TACR1: variants seen among roughly 807,000 people sequenced by gnomAD.
TACR1 encodes tachykinin receptor 1.
TACR1 carries 25 observed loss-of-function variants against 35.8 expected under a neutral mutation model. That is an observed-to-expected ratio of 0.70 (90% confidence interval 0.51 to 0.98). The LOEUF (loss-of-function observed/expected upper bound fraction) is 0.98. TACR1 is among the 50% of genes least tolerant of loss of function. TACR1 has a pLI of 0.00. For synonymous variants in TACR1, 195 were observed against 206.7 expected, an observed-to-expected ratio of 0.94 and a Z score of 0.48; for missense variants, 478 against 522.9, an observed-to-expected ratio of 0.91 and a Z score of 0.84.
rs774156041 is a variant in TACR1 at position 75,053,637 on chromosome 2, G to T, written c.703C>A (p.Arg235Ser). The T allele has an allele frequency of 3.1e-6, 5 of 1,590,626 alleles. No individual in the cohort carries two copies. Among genetic ancestry groups the T allele is most frequent in the Non-Finnish European group, 3.4e-6 (4 of 1,168,200 alleles). ...ASEIPGDSSDRYHEQVSAKRK... is the reference protein window; with the variant it reads ...ASEIPGDSSDSYHEQVSAKRK... ...TTGGCAGAGACTTGCTCGTGGTAGCGGTCAGAGGAGTCCCCGGGGATCTCA... is the reference window on the plus strand; with the variant it reads ...TTGGCAGAGACTTGCTCGTGGTAGCTGTCAGAGGAGTCCCCGGGGATCTCA... Residue 235 changes from arginine (R) to serine (S), a missense_variant, in exon 3 of 5, where the codon CGC becomes AGC. Arg to Ser is a moderately radical substitution (Grantham distance 110). Transcript: ENST00000305249.
intron 1 of TACR1, among the ~76,000 whole-genome samples, chr2:75,182,117 C>G (rs904465474): frequency 3.3e-5 from 5 of 152,222 alleles, no homozygotes; most frequent in African/African-American, 1.2e-4. Context: ...ATAGATGAAA[C>G]CTGGTGTTCT....
At chr2:75,178,947 A>T (rs905728005) in intron 1 of TACR1, among the ~76,000 whole-genome samples, 7 of 152,092 alleles carry the variant, frequency 4.6e-5, no homozygotes, top group Non-Finnish European at 1.0e-4. Flanking sequence ...CTCCTGGGTG[A>T]TTGTATACAG....
chr2:75,165,617 A>G (rs1026884542), intron 1 of TACR1, among the ~76,000 whole-genome samples: 2 of 152,090 alleles, frequency 1.3e-5, no homozygotes, highest in Middle Eastern at 3.4e-3. Flanking sequence ...CCCATCTTCC[A>G]TTCTTCAGGT....
intron 2 of TACR1, among the ~76,000 whole-genome samples, chr2:75,056,862 A>G (rs559735747): frequency 3.2e-4 from 48 of 152,340 alleles, no homozygotes; most frequent in Non-Finnish European, 5.3e-4. Flanking sequence ...CCATGTTCCT[A>G]TAGAGATAAT....
intron 1 of TACR1, among the ~76,000 whole-genome samples, chr2:75,182,619 A>G (rs1262868271): frequency 5.3e-5 from 8 of 152,156 alleles, no homozygotes; most frequent in East Asian, 1.9e-4. Flanking sequence ...TACCTTTTCT[A>G]TGGGTTGGTA....
intron 1 of TACR1, among the ~76,000 whole-genome samples, chr2:75,179,739 C>T (rs1367673923): frequency 1.3e-5 from 2 of 152,142 alleles, no homozygotes; most frequent in Non-Finnish European, 2.9e-5. Flanking sequence ...ATGTAGCAAC[C>T]AAGGAGCTCA....
intron 1 of TACR1, among the ~76,000 whole-genome samples, chr2:75,173,623 GA>G (rs1270391890): frequency 1.3e-5 from 2 of 152,184 alleles, no homozygotes; most frequent in African/African-American, 4.8e-5. Flanking sequence ...TCTCTACAAT[GA>G]AGCTGGGGAA....
chr2:75,105,871 C>T (rs1673630419), intron 2 of TACR1, among the ~76,000 whole-genome samples: 1 of 151,828 alleles, frequency 6.6e-6, no homozygotes, highest in Non-Finnish European at 1.5e-5. Context: ...CTATCAAAGA[C>T]ATCACAAACA....
At chr2:75,187,115 A>C (rs1244789179) in intron 1 of TACR1, 1 of 152,294 alleles carries the variant, frequency 6.6e-6, no homozygotes, top group African/African-American at 2.4e-5. Flanking sequence ...TCTCAGCAGC[A>C]CTGCCCTGCT....
chr2:75,170,778 T>C (rs1675259266), intron 1 of TACR1, among the ~76,000 whole-genome samples: 1 of 152,250 alleles, frequency 6.6e-6, no homozygotes, highest in South Asian at 2.1e-4. Flanking sequence ...GCCCTAGAGA[T>C]TTGTGGAACT....
intron 1 of TACR1, among the ~76,000 whole-genome samples, chr2:75,165,930 C>T (rs1675132334): frequency 6.6e-6 from 1 of 152,132 alleles, no homozygotes; most frequent in African/African-American, 2.4e-5. Flanking sequence ...AAGAAAAGCC[C>T]CATACTTTAA....
intron 1 of TACR1, among the ~76,000 whole-genome samples, chr2:75,121,687 C>G (rs970876641): frequency 5.3e-5 from 8 of 152,214 alleles, no homozygotes; most frequent in African/African-American, 1.9e-4. Flanking sequence ...ACATCTCTCT[C>G]TGCATATTTT....
chr2:75,066,443 G>A (rs776468511), intron 2 of TACR1, among the ~76,000 whole-genome samples: 1 of 152,152 alleles, frequency 6.6e-6, no homozygotes, highest in Admixed American at 6.5e-5. Flanking sequence ...GAACAAATAC[G>A]TCAAGCACAA....
intron 2 of TACR1, among the ~76,000 whole-genome samples, chr2:75,099,501 A>G (rs946549399): frequency 1.3e-5 from 2 of 152,086 alleles, no homozygotes; most frequent in East Asian, 1.9e-4. Context: ...ACTCCTATAC[A>G]AGTCACCTCC....
chr2:75,168,883 C>T (rs10439502), intron 1 of TACR1, among the ~76,000 whole-genome samples: 84,230 of 151,996 alleles, frequency 0.55, 23,598 homozygotes, highest in Non-Finnish European at 0.58. Context: ...GTGTTGTAAT[C>T]ACCAGAGACT....
chr2:75,159,631 G>T (rs886075025), intron 1 of TACR1, among the ~76,000 whole-genome samples: 3 of 152,140 alleles, frequency 2.0e-5, no homozygotes, highest in Non-Finnish European at 2.9e-5. Context: ...AGTCTTCCCA[G>T]CAGAGAAAGG....
rs140745583 is a variant in TACR1, at chr2:75,077,236, C to G, written c.585-23481G>C. On this transcript the variant is annotated intron_variant, in intron 2 of 4. Transcript: ENST00000305249. ...CCACCCACCTTGGCCTCCCAAAGTGCTGGGATTACAGGCGTGAGCCACCGC... is the reference window on the plus strand; with the variant it reads ...CCACCCACCTTGGCCTCCCAAAGTGGTGGGATTACAGGCGTGAGCCACCGC... Among the ~76,000 whole-genome samples, 208 of 152,282 alleles carry G rather than the reference C, an allele frequency of 1.4e-3. 1 individual carries two copies. The highest frequency in any genetic ancestry group is 4.6e-3 in the African/African-American group (190 of 41,556).
chr2:75,154,415 C>CGCGT (rs1558572308), intron 1 of TACR1: 1 of 91,056 alleles, frequency 1.1e-5, no homozygotes, highest in Non-Finnish European at 2.6e-5. Flanking sequence ...CGCACGCACA[C>CGCGT]ACACACACAC....
intron 1 of TACR1, among the ~76,000 whole-genome samples, chr2:75,125,437 G>T (rs1044208465): frequency 6.6e-6 from 1 of 151,998 alleles, no homozygotes; most frequent in Non-Finnish European, 1.5e-5. Flanking sequence ...CACTGTCCTC[G>T]GCCTCCCAAA....
Sources: gnomAD v4.1 joint callset for allele counts (sites outside exome capture counted in the v4.1 genomes callset) on GRCh38, gnomAD v4.1.1 for gene constraint, MANE v1.5 for transcripts, NCBI Gene and HGNC (gene_info 2026-07-23, HGNC 2026-07-21) for gene names.